The following CARMIL1 variants were observed in gnomAD, a reference collection of about 807,000 sequenced individuals.
CARMIL1 encodes the protein capping protein regulator and myosin 1 linker 1, also known as F-actin-uncapping protein LRRC16A.
CARMIL1 carries 90 observed loss-of-function variants against 177.1 expected under a neutral mutation model. That is an observed-to-expected ratio of 0.51 (90% CI 0.43 to 0.61). The LOEUF (loss-of-function observed/expected upper bound fraction) is 0.61. Among genes scored for constraint, CARMIL1 ranks in the 20% least tolerant of loss-of-function variants. The pLI is 0.00. For missense variants in CARMIL1, 1,380 were observed against 1,667.0 expected (o/e 0.83, Z 3.00); for synonymous variants, 577 against 606.2 (o/e 0.95, Z 0.71).
chr6:25,405,130 A>G (rs9461162), intron 2 of CARMIL1, among the ~76,000 whole-genome samples: 67,730 of 152,086 alleles, frequency 0.45, 15,376 homozygotes, highest in Middle Eastern at 0.6. Flanking sequence ...CAAAGTGCTG[A>G]ATGGAGTTAT....
chr6:25,472,289 T>G, intron 10 of CARMIL1, 138 bp from the exon 11 acceptor site: 1 of 607,338 alleles, frequency 1.6e-6, no homozygotes, highest in Non-Finnish European at 2.9e-6. Context: ...TAATGGGTAT[T>G]AAGAAATATA....
Position 25,382,401 on chromosome 6 carries a change from C to G in CARMIL1, c.139-37713C>G, listed in dbSNP as rs536963988. The stretch of plus-strand genomic sequence containing the variant: ...CTGACTTCAAGAATGAAGCCGCGGA[C>G]CTTTGCGGTGAGTGTTACAGCTCTT... On this transcript the variant is annotated intron_variant, in intron 2 of 36. Transcript: ENST00000329474. 3.9e-5 allele frequency among the ~76,000 whole-genome samples: 6 copies of G among 152,270 alleles called. No homozygotes were observed. The East Asian group carries it at 1.2e-3, about 29-fold the overall frequency.
intron 2 of CARMIL1, among the ~76,000 whole-genome samples, chr6:25,321,644 C>T (rs568788719): frequency 3.3e-5 from 5 of 150,964 alleles, no homozygotes; most frequent in East Asian, 3.9e-4. Context: ...TTATTTATTT[C>T]ACTTATTTAT....
intron 24 of CARMIL1, among the ~76,000 whole-genome samples, chr6:25,536,813 A>C (rs1432703137): frequency 3.9e-5 from 6 of 152,240 alleles, no homozygotes; most frequent in Non-Finnish European, 4.4e-5. Context: ...ATAATTCAAA[A>C]TAGAGAAGTG....
chr6:25,534,133 AACAAGAACT>A (rs1191413370), intron 24 of CARMIL1, among the ~76,000 whole-genome samples: 2 of 147,618 alleles, frequency 1.4e-5, no homozygotes, highest in Non-Finnish European at 1.5e-5. Flanking sequence ...TTTTTTTTTT[AACAAGAACT>A]ACAAGAACTA....
chr6:25,607,186 A>G (rs1018566297), intron 35 of CARMIL1, among the ~76,000 whole-genome samples: 5 of 139,736 alleles, frequency 3.6e-5, no homozygotes, highest in Non-Finnish European at 8.0e-5. Context: ...AAACACACAA[A>G]AAAACACCAC....
At chr6:25,462,843 G>A in intron 8 of CARMIL1, among the ~76,000 whole-genome samples, 1 of 152,214 alleles carries the variant, frequency 6.6e-6, no homozygotes, top group East Asian at 1.9e-4. Context: ...AAGTGCGATA[G>A]AGGAATAAGA....
intron 21 of CARMIL1, 29 bp from the exon 22 acceptor site, chr6:25,517,318 A>G (rs749475879): frequency 9.6e-6 from 15 of 1,562,594 alleles, no homozygotes; most frequent in Middle Eastern, 1.7e-4. Flanking sequence ...TAAGTGTCTG[A>G]TCATTTATGT....
At chr6:25,585,411 A>G (rs78600330) in intron 31 of CARMIL1, among the ~76,000 whole-genome samples, 1 of 152,348 alleles carries the variant, frequency 6.6e-6, no homozygotes, top group East Asian at 1.9e-4. Context: ...CAGAATTGTC[A>G]GCGCCAAGGC....
At chr6:25,387,455 TTAACA>T (rs1445450103) in intron 2 of CARMIL1, among the ~76,000 whole-genome samples, 4 of 152,222 alleles carry the variant, frequency 2.6e-5, no homozygotes, top group Non-Finnish European at 5.9e-5. Flanking sequence ...AAATGAAACA[TTAACA>T]TAAGTTGTTC....
intron 2 of CARMIL1, among the ~76,000 whole-genome samples, chr6:25,386,470 T>A (rs989506842): frequency 4.3e-4 from 66 of 152,210 alleles, no homozygotes; most frequent in African/African-American, 1.5e-3. Context: ...GTGAAACTGC[T>A]GACCTCAAGT....
intron 2 of CARMIL1, chr6:25,389,064 C>G (rs1792478980): frequency 6.6e-6 from 1 of 152,226 alleles, no homozygotes; most frequent in Non-Finnish European, 1.5e-5. Context: ...ATGGGGATTT[C>G]CTGCCTCCAC....
At position 25,619,432 on chromosome 6, in the gene CARMIL1, C is replaced by A. The variant is rs1759558215; in HGVS notation, c.3980-15C>A. On this transcript the variant is annotated splice_polypyrimidine_tract_variant and intron_variant, in intron 36 of 36. Coordinates refer to ENST00000329474, the MANE Select transcript of CARMIL1 (RefSeq NM_017640.6). ...ACTTTGTCAGTAAACTGTGCGACTT[C>A]CCTTTTTATTTCAGTTTCAAGGAGA... The A allele has an allele frequency of 3.1e-6, 5 of 1,607,900 alleles. No homozygotes were observed. The highest frequency in any genetic ancestry group is 4.2e-6 in the Non-Finnish European group (5 of 1,177,754).
chr6:25,413,358 A>G (rs959421143), intron 2 of CARMIL1, among the ~76,000 whole-genome samples: 2 of 152,232 alleles, frequency 1.3e-5, no homozygotes, highest in Admixed American at 1.3e-4. Context: ...GGTAATCTGC[A>G]TGAGAGAATG....
At chr6:25,364,228 G>T (rs1302199547) in intron 2 of CARMIL1, among the ~76,000 whole-genome samples, 1 of 152,128 alleles carries the variant, frequency 6.6e-6, no homozygotes. Flanking sequence ...ACAGACATGA[G>T]CCACCATGCC....
intron 2 of CARMIL1, among the ~76,000 whole-genome samples, chr6:25,386,967 C>T (rs1298754111): frequency 6.6e-6 from 1 of 151,674 alleles, no homozygotes; most frequent in Non-Finnish European, 1.5e-5. Context: ...CCCATCTCCA[C>T]AAAAATACAA....
At chr6:25,341,173 G>A (rs1405303982) in intron 2 of CARMIL1, among the ~76,000 whole-genome samples, 7 of 151,936 alleles carry the variant, frequency 4.6e-5, no homozygotes, top group Non-Finnish European at 1.0e-4. Context: ...GGAGGCTTTG[G>A]GCGTTTAGGT....
At position 25,558,691 on chromosome 6, in the gene CARMIL1, C is replaced by A. The variant is rs547528695; in HGVS notation, c.2742+1841C>A. On this transcript the variant is annotated intron_variant, in intron 29 of 36. Transcript: ENST00000329474. This position sits in a 1 kb window ranked among gnomAD's most constrained non-coding sequence, Gnocchi z 4.1. ...ATCTCTTTGAATTCAACTCTCAGGA[C>A]AAGCCACGTTAGGAGGGTAGACTTT... is the stretch of plus-strand genomic sequence containing the variant. Among the ~76,000 whole-genome samples, 1 of 149,988 alleles carries A rather than the reference C, an allele frequency of 6.7e-6. No individual in the cohort carries two copies.
At chr6:25,562,128 C>A (rs867739552) in intron 29 of CARMIL1, among the ~76,000 whole-genome samples, 3 of 152,198 alleles carry the variant, frequency 2.0e-5, no homozygotes, top group Middle Eastern at 3.4e-3. Flanking sequence ...CATGTCCCAT[C>A]CCTGAAGAGT....
Sources: allele counts gnomAD v4.1 joint callset (sites outside exome capture counted in the v4.1 genomes callset), GRCh38; gene constraint gnomAD v4.1.1; non-coding constraint Gnocchi (gnomAD v3.1); transcripts MANE v1.5; gene names NCBI Gene and HGNC (gene_info 2026-07-23, HGNC 2026-07-21).